The following CDYL variants were observed in gnomAD, a reference collection of about 807,000 sequenced individuals.
The protein encoded by CDYL is chromodomain Y-like protein.
CDYL carries 8 observed loss-of-function variants against 47.3 expected under a neutral mutation model. The ratio of observed to expected loss-of-function variants is 0.17; its 90% confidence interval spans 0.10 to 0.31. CDYL has a LOEUF of 0.31. CDYL is among the 10% of genes least tolerant of loss of function. The pLI, the probability that CDYL is intolerant of heterozygous loss-of-function variation, is 1.00. For synonymous variants in CDYL, 266 were observed against 265.0 expected (o/e 1.00, Z -0.04); for missense variants, 471 against 701.4 (o/e 0.67, Z 3.71).
chr6:4,815,911 A>G (rs1450350524), intron 1 of CDYL, among the ~76,000 whole-genome samples: 5 of 150,686 alleles, frequency 3.3e-5, no homozygotes, highest in African/African-American at 1.2e-4. Flanking sequence ...TTGGTTAAAA[A>G]GTCCTTTTCT....
chr6:4,826,827 A>T (rs977873534), intron 1 of CDYL, among the ~76,000 whole-genome samples: 3 of 152,218 alleles, frequency 2.0e-5, no homozygotes, highest in Non-Finnish European at 4.4e-5. Context: ...GTGAAGTGTT[A>T]GGTCTAGTTG....
At chr6:4,937,504 A>AT in intron 3 of CDYL, 61 bp from the exon 4 acceptor site, 1 of 1,343,636 alleles carries the variant, frequency 7.4e-7, no homozygotes, top group Non-Finnish European at 9.8e-7. Context: ...CAAAAAAAAA[A>AT]ATGCTTTAAG....
At chr6:4,823,058 G>C (rs1164689181) in intron 1 of CDYL, among the ~76,000 whole-genome samples, 1 of 152,178 alleles carries the variant, frequency 6.6e-6, no homozygotes, top group Admixed American at 6.5e-5. Flanking sequence ...AGAAAGCAGA[G>C]GGGAAAAGTG....
At chr6:4,749,940 C>T (rs1040410750) in intron 3 of CDYL, among the ~76,000 whole-genome samples, 1 of 152,120 alleles carries the variant, frequency 6.6e-6, no homozygotes, top group Non-Finnish European at 1.5e-5. Flanking sequence ...GGGCAGATTT[C>T]CCATGTACTG....
intron 1 of CDYL, among the ~76,000 whole-genome samples, chr6:4,838,526 C>T (rs1760392399): frequency 6.6e-6 from 1 of 152,018 alleles, no homozygotes; most frequent in African/African-American, 2.4e-5. Flanking sequence ...ATATATACAC[C>T]ACAGTTTCTT....
intron 2 of CDYL, among the ~76,000 whole-genome samples, chr6:4,729,174 C>CTA (rs1757561761): frequency 6.6e-6 from 1 of 152,132 alleles, no homozygotes; most frequent in African/African-American, 2.4e-5. Context: ...TCCCTCTTCT[C>CTA]CAAACACACA....
chr6:4,934,646 C>T (rs951426876), intron 2 of CDYL, among the ~76,000 whole-genome samples: 1 of 152,188 alleles, frequency 6.6e-6, no homozygotes, highest in Non-Finnish European at 1.5e-5. Flanking sequence ...TTGGACAATT[C>T]ATACAGACAG....
chr6:4,818,188 GAGGCTGC>G (rs1561652182), intron 1 of CDYL, among the ~76,000 whole-genome samples: 1 of 152,104 alleles, frequency 6.6e-6, no homozygotes, highest in African/African-American at 2.4e-5. Context: ...CCTGGAGGTC[GAGGCTGC>G]AGTGAGTGGA....
At chr6:4,898,514 C>T (rs1344434105) in intron 2 of CDYL, among the ~76,000 whole-genome samples, 1 of 152,166 alleles carries the variant, frequency 6.6e-6, no homozygotes, top group East Asian at 1.9e-4. Flanking sequence ...AGGAAAGGGT[C>T]CAGAAGCTAG....
At chr6:4,855,308 G>T (rs1422880365) in intron 1 of CDYL, among the ~76,000 whole-genome samples, 1 of 152,106 alleles carries the variant, frequency 6.6e-6, no homozygotes, top group African/African-American at 2.4e-5. Context: ...ATGAGGTCTT[G>T]CTCTGTCACC....
chr6:4,767,259 T>TAA (rs35058381), intron 3 of CDYL, among the ~76,000 whole-genome samples: 1 of 144,978 alleles, frequency 6.9e-6, no homozygotes, highest in Non-Finnish European at 1.5e-5. Flanking sequence ...TCATTCATGA[T>TAA]AAAAAAAAAA....
intron 1 of CDYL, among the ~76,000 whole-genome samples, chr6:4,812,575 C>T (rs371809956): frequency 1.3e-5 from 2 of 152,274 alleles, no homozygotes; most frequent in African/African-American, 4.8e-5. Flanking sequence ...ATGGCCATAG[C>T]ATTATAATGT....
intron 1 of CDYL, among the ~76,000 whole-genome samples, chr6:4,819,162 C>CTCTGTGTGTGTG (rs1016051589): frequency 3.2e-4 from 36 of 111,992 alleles, no homozygotes; most frequent in African/African-American, 1.6e-3. Context: ...CTCTCTCTCT[C>CTCTGTGTGTGTG]TGTGTGTGTG....
chr6:4,713,848 A>C (rs1413960418), intron 1 of CDYL, among the ~76,000 whole-genome samples: 1 of 152,192 alleles, frequency 6.6e-6, no homozygotes, highest in Non-Finnish European at 1.5e-5. Context: ...TCGGCCTCCC[A>C]AAGTGCTGAG....
At chr6:4,747,799 G>T (rs1470602580) in intron 3 of CDYL, among the ~76,000 whole-genome samples, 1 of 152,144 alleles carries the variant, frequency 6.6e-6, no homozygotes, top group Non-Finnish European at 1.5e-5. Context: ...CAATACCCCA[G>T]GGAAGCTTTC....
chr6:4,834,590 C>T (rs1485752054), intron 1 of CDYL, among the ~76,000 whole-genome samples: 1 of 150,596 alleles, frequency 6.6e-6, no homozygotes, highest in Non-Finnish European at 1.5e-5. Flanking sequence ...TTGTGGCGTT[C>T]TCTGTATTTC....
intron 3 of CDYL, 33 bp downstream of exon 3, chr6:4,935,804 G>A (rs748565228): frequency 3.9e-5 from 62 of 1,609,040 alleles, no homozygotes; most frequent in Non-Finnish European, 4.9e-5. Context: ...CGTGGGCTTC[G>A]CGCTTCTCCC....
At chr6:4,946,160 C>T (rs1382044421) in intron 5 of CDYL, among the ~76,000 whole-genome samples, 4 of 152,004 alleles carry the variant, frequency 2.6e-5, no homozygotes, top group Admixed American at 2.0e-4. Context: ...TCTGGCCAGC[C>T]CTGGGTGGCC....
rs371655095 is a variant in CDYL at position 4,932,671 on chromosome 6, C to G, written c.692-2844C>G. The stretch of plus-strand genomic sequence containing the variant: ...CTGGCATGTGTAGTCTGAAGGAACC[C>G]CCTTCTTAGAATGCCCAGAGTCTCC... On this transcript the variant is annotated intron_variant, in intron 2 of 6. Coordinates refer to ENST00000397588, the MANE Select transcript of CDYL (RefSeq NM_004824.4). Among the ~76,000 whole-genome samples, 241 of 152,244 alleles carry G rather than the reference C, an allele frequency of 1.6e-3. 12 individuals are homozygous for G. The South Asian group carries it at 0.047, about 30-fold the overall frequency.
Sources: gnomAD v4.1 joint callset for allele counts (sites outside exome capture counted in the v4.1 genomes callset) on GRCh38, gnomAD v4.1.1 for gene constraint, MANE v1.5 for transcripts, NCBI Gene and HGNC (gene_info 2026-07-23, HGNC 2026-07-21) for gene names.